Variants in LRP1B observed in about 807,000 individuals in gnomAD.
LRP1B encodes low-density lipoprotein receptor-related protein 1B.
A neutral mutation model predicts 556.6 loss-of-function variants in LRP1B; 217 were observed. That is an observed-to-expected ratio of 0.39 (90% confidence interval 0.35 to 0.44). LRP1B has a LOEUF of 0.44. LRP1B is among the 20% of genes least tolerant of loss of function. LRP1B has a pLI of 1.00. For missense variants in LRP1B, 5,053 were observed against 5,620.8 expected (o/e 0.90, Z 3.23); for synonymous variants, 2,047 against 1,865.8 (o/e 1.10, Z -2.50).
intron 1 of LRP1B, among the ~76,000 whole-genome samples, chr2:142,018,100 G>A (rs1446474993): frequency 3.3e-5 from 5 of 152,050 alleles, no homozygotes; most frequent in Non-Finnish European, 5.9e-5. Context: ...CTGTGTTGAT[G>A]TGAAATAGTT....
At chr2:140,705,971 TTTGCACC>T (rs1357436093) in intron 37 of LRP1B, among the ~76,000 whole-genome samples, 1 of 152,104 alleles carries the variant, frequency 6.6e-6, no homozygotes, top group African/African-American at 2.4e-5. Context: ...ATGAATGGAA[TTTGCACC>T]TTGAGAAACT....
At chr2:141,699,895 T>C (rs985488682) in intron 2 of LRP1B, among the ~76,000 whole-genome samples, 2 of 149,226 alleles carry the variant, frequency 1.3e-5, no homozygotes, top group African/African-American at 2.5e-5. Context: ...AAATGAAATA[T>C]ATTCTTAGCC....
At chr2:141,554,857 A>G (rs150391528) in intron 2 of LRP1B, among the ~76,000 whole-genome samples, 1,647 of 152,082 alleles carry the variant, frequency 0.011, 14 homozygotes, top group Middle Eastern at 0.017. Flanking sequence ...TTAGGAATGC[A>G]AATTCTTGAG....
intron 2 of LRP1B, among the ~76,000 whole-genome samples, chr2:141,534,893 T>A (rs1685015958): frequency 6.6e-6 from 1 of 152,184 alleles, no homozygotes; most frequent in Non-Finnish European, 1.5e-5. Context: ...CAAATGTGTC[T>A]GTTTCCCCCC....
chr2:140,727,966 C>T (rs575251453), intron 35 of LRP1B, among the ~76,000 whole-genome samples: 48 of 152,098 alleles, frequency 3.2e-4, no homozygotes, highest in African/African-American at 1.1e-3. Flanking sequence ...AGAATTCCAA[C>T]CTTGTAAGTA....
intron 1 of LRP1B, among the ~76,000 whole-genome samples, chr2:142,052,110 A>C (rs1353186434): frequency 6.6e-6 from 1 of 152,120 alleles, no homozygotes; most frequent in Non-Finnish European, 1.5e-5. Context: ...AACAACTAAA[A>C]ATAGTCAAAA....
In LRP1B at chr2:140,859,603, G is replaced by T. The variant is rs561312968; in HGVS notation, c.4580-7820C>A. 7.2e-5 allele frequency among the ~76,000 whole-genome samples: 11 copies of T among 152,162 alleles called. 1 individual carries two copies. The South Asian group carries it at 2.3e-3, about 32-fold the overall frequency. On this transcript the variant is annotated intron_variant, in intron 27 of 90. Transcript: ENST00000389484. ...AAAAAAAATGATTTTAAAAGTTAAA[G>T]AAATAATTTATTTTATTATATTATG...
intron 1 of LRP1B, among the ~76,000 whole-genome samples, chr2:142,085,819 A>T (rs190232795): frequency 2.4e-3 from 370 of 152,284 alleles, no homozygotes; most frequent in Non-Finnish European, 3.2e-3. Flanking sequence ...ATATAATACT[A>T]TGCATATATG....
chr2:142,118,179 A>G (rs1402241284), intron 1 of LRP1B, among the ~76,000 whole-genome samples: 1 of 151,800 alleles, frequency 6.6e-6, no homozygotes, highest in African/African-American at 2.4e-5. Flanking sequence ...TTTTATTCTT[A>G]TTACAAATTG....
At chr2:140,526,133 T>C (rs1690423095) in intron 48 of LRP1B, 104 bp downstream of exon 48, 1 of 1,364,834 alleles carries the variant, frequency 7.3e-7, no homozygotes, top group African/African-American at 1.4e-5. Context: ...AGGGGTTAAT[T>C]ACATACCAAT....
intron 41 of LRP1B, among the ~76,000 whole-genome samples, chr2:140,636,167 T>C (rs10197150): frequency 0.56 from 84,995 of 151,946 alleles, 25,574 homozygotes; most frequent in Middle Eastern, 0.69. Context: ...CTTTGAAAAA[T>C]AGTCTTTCAC....
At chr2:140,739,978 C>A (rs1184184538) in intron 35 of LRP1B, among the ~76,000 whole-genome samples, 1 of 152,106 alleles carries the variant, frequency 6.6e-6, no homozygotes, top group Non-Finnish European at 1.5e-5. Context: ...TGTGATACCA[C>A]CTTTCTCCTT....
chr2:140,789,638 T>TTTTTTTTTC (rs1690037567), intron 32 of LRP1B, among the ~76,000 whole-genome samples: 1 of 128,710 alleles, frequency 7.8e-6, no homozygotes, highest in Non-Finnish European at 1.7e-5. Flanking sequence ...TTTTTTTTTT[T>TTTTTTTTTC]TTTTTTTTTT....
At chr2:140,883,467 C>T (rs1693536260) in intron 25 of LRP1B, among the ~76,000 whole-genome samples, 1 of 151,658 alleles carries the variant, frequency 6.6e-6, no homozygotes, top group African/African-American at 2.4e-5. Context: ...ACAATTACAA[C>T]ATCTCTTTGG....
chr2:141,231,625 G>A (rs956134666), intron 5 of LRP1B, among the ~76,000 whole-genome samples: 7 of 37,748 alleles, frequency 1.9e-4, no homozygotes, highest in African/African-American at 3.9e-4. Flanking sequence ...CCCCTGCCCC[G>A]CCCCGCCACC....
chr2:140,293,282 A>G (rs1283192281), intron 84 of LRP1B, among the ~76,000 whole-genome samples: 1 of 152,224 alleles, frequency 6.6e-6, no homozygotes, highest in African/African-American at 2.4e-5. Context: ...TAACACCTAG[A>G]TTTAAATCCA....
At chr2:140,899,828 T>C (rs139903915) in intron 23 of LRP1B, among the ~76,000 whole-genome samples, 1 of 152,304 alleles carries the variant, frequency 6.6e-6, no homozygotes, top group East Asian at 1.9e-4. Context: ...GCAACACTTA[T>C]AAGATAAAAG....
At chr2:140,750,925 A>G (rs1379047659) in intron 35 of LRP1B, among the ~76,000 whole-genome samples, 1 of 151,936 alleles carries the variant, frequency 6.6e-6, no homozygotes, top group African/African-American at 2.4e-5. Context: ...ACCACTCCAG[A>G]CACTCATCTA....
At chr2:141,892,227 C>T (rs1699313479) in intron 1 of LRP1B, among the ~76,000 whole-genome samples, 1 of 151,622 alleles carries the variant, frequency 6.6e-6, no homozygotes, top group South Asian at 2.1e-4. Context: ...AATATAGACT[C>T]ACCAAGAAAG....
Sources: allele counts gnomAD v4.1 joint callset (sites outside exome capture counted in the v4.1 genomes callset), GRCh38; gene constraint gnomAD v4.1.1; transcripts MANE v1.5; gene names NCBI Gene and HGNC (gene_info 2026-07-23, HGNC 2026-07-21).